OLAH: variants seen among roughly 807,000 people sequenced by gnomAD.
OLAH encodes oleoyl-ACP hydrolase.
In OLAH, 33 loss-of-function variants were observed where a neutral mutation model predicts 27.8. That is an observed-to-expected ratio of 1.19 (90% CI 0.90 to 1.59). The LOEUF (loss-of-function observed/expected upper bound fraction) is 1.59, where lower values mean the gene tolerates loss of function less well. Among genes scored for constraint, OLAH ranks in the 40% most tolerant of loss-of-function variants. The pLI, the probability that OLAH is intolerant of heterozygous loss-of-function variation, is 0.00. For missense variants in OLAH, 359 were observed against 310.8 expected (o/e 1.16, Z -1.17); for synonymous variants, 120 against 102.9 (o/e 1.17, Z -1.01).
intron 6 of OLAH, among the ~76,000 whole-genome samples, chr10:15,066,454 T>C (rs973085521): frequency 6.6e-6 from 1 of 152,044 alleles, no homozygotes; most frequent in Non-Finnish European, 1.5e-5. Context: ...GTTTGCTTTT[T>C]TGTACATTTT....
intron 6 of OLAH, chr10:15,071,559 C>A: frequency 8.1e-6 from 8 of 985,446 alleles, no homozygotes; most frequent in Non-Finnish European, 9.6e-6. Context: ...TGCCCCAGTG[C>A]CATCCTGCTG....
At chr10:15,065,498 CTTTTCCCTTAGATCAACAG>C (rs1296904636) in intron 5 of OLAH, 67 bp from the exon 6 acceptor site, 3 of 1,412,064 alleles carry the variant, frequency 2.1e-6, no homozygotes, top group South Asian at 2.9e-5. Context: ...GGTTTAATGA[CTTTTCCCTTAGATCAACAG>C]TTTTCAGTTT....
chr10:15,060,437 T>C (rs1459142139), intron 3 of OLAH, among the ~76,000 whole-genome samples: 1 of 152,186 alleles, frequency 6.6e-6, no homozygotes, highest in Non-Finnish European at 1.5e-5. Flanking sequence ...GCCAAAGTGC[T>C]GGGATTACAG....
intron 4 of OLAH, among the ~76,000 whole-genome samples, chr10:15,063,075 C>T (rs1844400133): frequency 6.6e-6 from 1 of 152,108 alleles, no homozygotes; most frequent in African/African-American, 2.4e-5. Flanking sequence ...GTATAAATCT[C>T]CTATCAGTTT....
At chr10:15,045,599 C>T (rs528961161) in intron 1 of OLAH, among the ~76,000 whole-genome samples, 6 of 152,122 alleles carry the variant, frequency 3.9e-5, no homozygotes, top group Non-Finnish European at 8.8e-5. Context: ...AAACTTTCTT[C>T]CTCTATTTAG....
intron 2 of OLAH, 31 bp from the exon 3 acceptor site, chr10:15,049,603 TA>T: frequency 7.0e-7 from 1 of 1,432,482 alleles, no homozygotes; most frequent in Non-Finnish European, 9.6e-7. Context: ...TTGATATACA[TA>T]ATGTTAAATA....
Position 15,065,629 on chromosome 10 carries a change from G to A in OLAH, c.448G>A (p.Glu150Lys). 1 of 1,611,670 alleles carries A rather than the reference G, an allele frequency of 6.2e-7. No homozygotes were observed. Residue 150 changes from glutamate (E) to lysine (K), a missense_variant, in exon 6 of 8, where the codon GAA (glutamate) becomes AAA (lysine). Transcript: ENST00000378228. ...TCCCAAAGATGATGAATTGTCAGAA[G>A]AACAAATAAGTCATTACCTTATGGA... Reference protein sequence around the residue: ...RIPKDDELSEEQISHYLMEFG... With the variant: ...RIPKDDELSEKQISHYLMEFG...
chr10:15,043,095 T>C (rs1018859182), upstream of OLAH, among the ~76,000 whole-genome samples: 33 of 151,930 alleles, frequency 2.2e-4, no homozygotes, highest in East Asian at 7.8e-4. Flanking sequence ...CTCCTGACCT[T>C]GTGATCCACC....
intron 3 of OLAH, among the ~76,000 whole-genome samples, chr10:15,051,658 C>T (rs147906695): frequency 1.6e-3 from 237 of 152,086 alleles, no homozygotes; most frequent in African/African-American, 4.9e-3. Context: ...TCTAAAAAAA[C>T]GGTTGTATTA....
chr10:15,038,572 G>A (rs12255757), intron 1 of OLAH: 15,687 of 152,130 alleles, frequency 0.1, 1,010 homozygotes, highest in Admixed American at 0.17. Context: ...TTTTAAAAAC[G>A]GGAGTTCCCC....
chr10:15,050,879 G>C (rs879846529), intron 3 of OLAH, among the ~76,000 whole-genome samples: 4 of 151,664 alleles, frequency 2.6e-5, no homozygotes, highest in African/African-American at 4.8e-5. Context: ...CACTGCAGCC[G>C]GCCTCTATAA....
chr10:15,057,441 A>G (rs1359144920), intron 3 of OLAH, among the ~76,000 whole-genome samples: 2 of 145,586 alleles, frequency 1.4e-5, no homozygotes, highest in East Asian at 2.1e-4. Context: ...TCTGGAGTGC[A>G]ATGGCACAAT....
At chr10:15,041,338 G>C (rs1405997553), upstream of OLAH, among the ~76,000 whole-genome samples, 1 of 151,312 alleles carries the variant, frequency 6.6e-6, no homozygotes, top group Non-Finnish European at 1.5e-5. Context: ...GAGTGCAATG[G>C]TGCGATCTTG....
At chr10:15,057,697 T>C (rs1844274568) in intron 3 of OLAH, among the ~76,000 whole-genome samples, 1 of 152,072 alleles carries the variant, frequency 6.6e-6, no homozygotes, top group African/African-American at 2.4e-5. Context: ...GGGTTCTCTA[T>C]TCTGTCCCAT....
rs1844635733 is a variant in OLAH, at chr10:15,073,529, G to A, written c.*300G>A. On this transcript the variant is annotated 3_prime_UTR_variant, in exon 8 of 8. Transcript: ENST00000378228. ...CACAAAATTAGCCGGGCGTGGTGGT[G>A]GGCACCTGTAGTCCCAGCTACTCGG... 1 of 224,092 alleles carries A rather than the reference G, an allele frequency of 4.5e-6. No homozygotes were observed. Among genetic ancestry groups the A allele is most frequent in the Non-Finnish European group, 8.7e-6 (1 of 114,546 alleles). The allele number at this position is 224,092 out of a possible 1,614,324, so 13.9% of individuals were successfully genotyped here. A position where few individuals can be genotyped will look rare whatever the true frequency, so the allele number is the denominator to read the frequency against.
At chr10:15,069,854 A>G (rs575694739) in intron 6 of OLAH, among the ~76,000 whole-genome samples, 3 of 152,254 alleles carry the variant, frequency 2.0e-5, no homozygotes, top group Admixed American at 6.5e-5. Flanking sequence ...CAATAGAGCG[A>G]GACTCCATCT....
intron 3 of OLAH, among the ~76,000 whole-genome samples, chr10:15,058,949 TTCCCTCCCTCCTTCCCTCCC>T (rs1844301521): frequency 7.4e-6 from 1 of 135,906 alleles, no homozygotes; most frequent in African/African-American, 2.8e-5. Context: ...TCTCCTTCCC[TTCCCTCCCTCCTTCCCTCCC>T]TCCCTCTCTC....
chr10:15,052,665 AG>A (rs1844167168), intron 3 of OLAH, among the ~76,000 whole-genome samples: 1 of 118,390 alleles, frequency 8.4e-6, no homozygotes, highest in Non-Finnish European at 1.8e-5. Context: ...GTTATCAAAG[AG>A]TCTGATATCA....
At chr10:15,064,589 A>T in intron 5 of OLAH, 87 bp downstream of exon 5, 2 of 730,386 alleles carry the variant, frequency 2.7e-6, no homozygotes, top group Non-Finnish European at 4.5e-6. Context: ...TATCTGGTGA[A>T]TTCTGGTCCA....
Sources: allele counts gnomAD v4.1 joint callset (sites outside exome capture counted in the v4.1 genomes callset), GRCh38; gene constraint gnomAD v4.1.1; transcripts MANE v1.5; gene names NCBI Gene and HGNC (gene_info 2026-07-23, HGNC 2026-07-21).